The following TNFAIP1 variants were observed in gnomAD, a reference collection of about 807,000 sequenced individuals.
The protein encoded by TNFAIP1 is TNF alpha induced protein 1.
TNFAIP1 carries 20 observed loss-of-function variants against 32.6 expected under a neutral mutation model. The ratio of observed to expected loss-of-function variants is 0.61; its 90% CI spans 0.43 to 0.89. The LOEUF (loss-of-function observed/expected upper bound fraction) is 0.89. Among genes scored for constraint, TNFAIP1 ranks in the 40% least tolerant of loss-of-function variants. The pLI is 0.00. For missense variants in TNFAIP1, 319 were observed against 425.1 expected (o/e 0.75, Z 2.20); for synonymous variants, 166 against 166.8 (o/e 1.00, Z 0.04).
In TNFAIP1 at chr17:28,346,808, G is replaced by A. The variant is rs60150286; in HGVS notation, c.*2208G>A. 2.0e-5 allele frequency: 3 copies of A among 152,216 alleles called. No homozygotes were observed. The highest frequency in any genetic ancestry group is 4.8e-5 in the African/African-American group (2 of 41,452). The allele number at this position is 152,216 out of a possible 1,614,324, so 9.4% of individuals were successfully genotyped here. ...GTCAGATTTTCTTGTCAGTTTCTGA[G>A]AAACCTGGCAGCCTGCTGTTAACAA... On this transcript the variant is annotated 3_prime_UTR_variant, in exon 7 of 7. Transcript: ENST00000226225.
At chr17:28,336,955 A>G (rs1246039165) in intron 1 of TNFAIP1, among the ~76,000 whole-genome samples, 1 of 152,248 alleles carries the variant, frequency 6.6e-6, no homozygotes, top group Admixed American at 6.5e-5. Context: ...TTAGGGGAAC[A>G]CAGCGGTAAA....
rs1907331784 is a variant in TNFAIP1 at position 28,340,665 on chromosome 17, G to GT, written c.375+188dup. On this transcript the variant is annotated intron_variant, in intron 3 of 6. Coordinates refer to ENST00000226225, the MANE Select transcript of TNFAIP1 (RefSeq NM_021137.5). This position sits in a 1 kb window ranked among gnomAD's most constrained non-coding sequence, Gnocchi z 4.1. ...CAGCCAGGTGTTCACACTTGGCAGC[G>GT]TGAGTAGGCCCTGCTTCTGGTTTCT... Among the ~76,000 whole-genome samples, 1 of 152,170 alleles carries GT rather than the reference G, an allele frequency of 6.6e-6. No individual in the cohort carries two copies. Among genetic ancestry groups the GT allele is most frequent in the East Asian group, 1.9e-4 (1 of 5,190 alleles).
At chr17:28,339,771 G>T (rs782124484) in intron 2 of TNFAIP1, 45 bp downstream of exon 2, 2 of 1,588,954 alleles carry the variant, frequency 1.3e-6, no homozygotes, top group African/African-American at 1.3e-5. Flanking sequence ...GGCAGGAGGA[G>T]TTCCCAAGGA....
At chr17:28,339,773 T>C (rs1555577892) in intron 2 of TNFAIP1, 47 bp downstream of exon 2, 2 of 1,586,132 alleles carry the variant, frequency 1.3e-6, no homozygotes, top group African/African-American at 2.7e-5. Flanking sequence ...CAGGAGGAGT[T>C]CCCAAGGAAA....
rs782502673 is a variant in TNFAIP1, at chr17:28,341,258, C to T, written c.397C>T (p.Pro133Ser). ...ACAGGACAAGAAGGACTCCTACCAG[C>T]CTGTGTGCAACATCCCCATCATCAC... ...ALQDKKDSYQ[P>S]VCNIPIITSL... The change falls in exon 4 of 7, where the codon CCT becomes TCT. Residue 133 changes from proline (P) to serine (S), a missense_variant. Coordinates refer to ENST00000226225, the MANE Select transcript of TNFAIP1 (RefSeq NM_021137.5). 1.2e-6 allele frequency: 2 copies of T among 1,614,208 alleles called. No individual in the cohort carries two copies. Among genetic ancestry groups the T allele is most frequent in the Non-Finnish European group, 1.7e-6 (2 of 1,180,036 alleles).
At position 28,341,260 on chromosome 17, in the gene TNFAIP1, T is replaced by C. The variant is rs1555578112; in HGVS notation, c.399T>C (p.Pro133=). The change falls in exon 4 of 7, where the codon CCT becomes CCC. Residue 133 remains proline (P), a synonymous_variant. Transcript: ENST00000226225. Reference sequence around the variant, plus strand: ...AGGACAAGAAGGACTCCTACCAGCCTGTGTGCAACATCCCCATCATCACAT... The same window carrying C: ...AGGACAAGAAGGACTCCTACCAGCCCGTGTGCAACATCCCCATCATCACAT... The part of the protein sequence containing the change: ...ALQDKKDSYQ[P]VCNIPIITSL... 3 of 1,614,210 alleles carry C rather than the reference T, an allele frequency of 1.9e-6. No individual in the cohort carries two copies. The highest frequency in any genetic ancestry group is 3.3e-5 in the Admixed American group (2 of 60,032).
At chr17:28,339,317 G>A in intron 1 of TNFAIP1, 91 bp from the exon 2 acceptor site, 1 of 453,504 alleles carries the variant, frequency 2.2e-6, no homozygotes, top group Non-Finnish European at 3.8e-6. Flanking sequence ...GGCTTGTCAG[G>A]GAGAGAATGA....
chr17:28,336,281 T>TCCGCCCTTAGCCCCGGGC (rs1299132053), intron 1 of TNFAIP1, among the ~76,000 whole-genome samples: 1 of 152,124 alleles, frequency 6.6e-6, no homozygotes, highest in African/African-American at 2.4e-5. Context: ...GAGCCACGGA[T>TCCGCCCTTAGCCCCGGGC]CCGCCCTTAG....
chr17:28,338,974 T>C (rs1907261657), intron 1 of TNFAIP1, among the ~76,000 whole-genome samples: 1 of 150,666 alleles, frequency 6.6e-6, no homozygotes, highest in African/African-American at 2.5e-5. Flanking sequence ...TTCATACTTA[T>C]AATCCCAGCA....
rs546789094 is a variant in TNFAIP1 at position 28,345,304 on chromosome 17, A to G, written c.*704A>G. 17 of 136,750 alleles carry G rather than the reference A, an allele frequency of 1.2e-4. No homozygotes were observed. The highest frequency in any genetic ancestry group is 4.8e-4 in the African/African-American group (17 of 35,576). The allele number at this position is 136,750 out of a possible 1,614,324, so 8.5% of individuals were successfully genotyped here. On this transcript the variant is annotated 3_prime_UTR_variant, in exon 7 of 7. Coordinates refer to ENST00000226225, the MANE Select transcript of TNFAIP1 (RefSeq NM_021137.5). ...GGGGATAAAGAGGAAGCAATAAAAA[A>G]AAAACATCCGACAGAGCAGCTCTGG... is the stretch of plus-strand genomic sequence containing the variant.
chr17:28,345,027 T>C lies in TNFAIP1; in HGVS notation c.*427T>C, dbSNP rs1907503063. 1.6e-5 allele frequency: 3 copies of C among 189,492 alleles called. No individual in the cohort carries two copies. Among genetic ancestry groups the C allele is most frequent in the Middle Eastern group, 2.5e-3 (1 of 408 alleles). 11.7% of individuals were successfully genotyped at this position (189,492 alleles called of 1,614,324 possible). ...TTTCCTAAGGTGTTTAAGCACAGGC[T>C]TGATAAGTTTGGTTTTTAAAAAATA... On this transcript the variant is annotated 3_prime_UTR_variant, in exon 7 of 7. Coordinates refer to ENST00000226225, the MANE Select transcript of TNFAIP1 (RefSeq NM_021137.5).
Position 28,340,386 on chromosome 17 carries a change from C to T in TNFAIP1, c.283C>T (p.Pro95Ser), listed in dbSNP as rs1907321870. The change falls in exon 3 of 7, where the codon CCT becomes TCT. Residue 95 changes from proline (P) to serine (S), a missense_variant. Transcript: ENST00000226225. This position sits in a 1 kb window ranked among gnomAD's most constrained non-coding sequence, Gnocchi z 4.1. ...NYLRDDTITL[P>S]QNRQEIKELM... ...CCTCCGAGATGACACCATCACCCTC[C>T]CTCAGAACCGGCAAGAAATCAAGGA... 6 of 1,614,118 alleles carry T rather than the reference C, an allele frequency of 3.7e-6. No homozygotes were observed. Among genetic ancestry groups the T allele is most frequent in the Non-Finnish European group, 4.2e-6 (5 of 1,180,010 alleles).
Position 28,341,253 on chromosome 17 carries a change from A to G in TNFAIP1, c.392A>G (p.Tyr131Cys). 6.2e-7 allele frequency: 1 copy of G among 1,614,176 alleles called. No homozygotes were observed. Among genetic ancestry groups the G allele is most frequent in the South Asian group, 1.1e-5 (1 of 91,088 alleles). Residue 131 changes from tyrosine to cysteine, a missense_variant, in exon 4 of 7, where the codon TAC (tyrosine) becomes TGC (cysteine). Transcript: ENST00000226225. Reference sequence around the variant, plus strand: ...GTCGCACAGGACAAGAAGGACTCCTACCAGCCTGTGTGCAACATCCCCATC... The same window carrying G: ...GTCGCACAGGACAAGAAGGACTCCTGCCAGCCTGTGTGCAACATCCCCATC... ...QSALQDKKDS[Y>C]QPVCNIPIIT...
At chr17:28,338,470 T>A (rs1907248356) in intron 1 of TNFAIP1, among the ~76,000 whole-genome samples, 1 of 148,944 alleles carries the variant, frequency 6.7e-6, no homozygotes, top group Non-Finnish European at 1.5e-5. Flanking sequence ...AAGGGGAAGG[T>A]CAGGAAGCCC....
In TNFAIP1 at chr17:28,339,664, G is replaced by A. The variant is rs782628248; in HGVS notation, c.143G>A (p.Arg48His). The change falls in exon 2 of 7, where the codon CGC becomes CAC. Residue 48 changes from arginine (R) to histidine (H), a missense_variant. Arg to His is a conservative substitution (Grantham distance 29). Transcript: ENST00000226225. ...TACACCACTGTGCGGGCCCTGACCC[G>A]CCACGACACCATGCTCAAGGCCATG... is the stretch of plus-strand genomic sequence containing the variant. ...LYYTTVRALTRHDTMLKAMFS... is the reference protein window; with the variant it reads ...LYYTTVRALTHHDTMLKAMFS... The A allele has an allele frequency of 2.2e-5, 36 of 1,613,892 alleles. No individual in the cohort carries two copies. The highest frequency in any genetic ancestry group is 1.6e-4 in the Middle Eastern group (1 of 6,076).
At position 28,339,356 on chromosome 17, in the gene TNFAIP1, T is replaced by C. The variant is rs1302963336; in HGVS notation, c.-114-52T>C. The C allele has an allele frequency of 2.4e-5, 14 of 572,754 alleles. No homozygotes were observed. In the African/African-American group the frequency reaches 2.7e-4, roughly 11 times the overall value. The allele number at this position is 572,754 out of a possible 1,614,324, so 35.5% of individuals were successfully genotyped here. On this transcript the variant is annotated intron_variant, in intron 1 of 6. Transcript: ENST00000226225. ...CGGTCGTGTTTCTGCTATTGTCTCC[T>C]CCTGGGCTGTCTCAGCTGGTTCGTG...
In TNFAIP1 at chr17:28,342,278, G is replaced by A; in HGVS notation, c.550G>A (p.Glu184Lys). 3 of 1,585,858 alleles carry A rather than the reference G, an allele frequency of 1.9e-6. No homozygotes were observed. Among genetic ancestry groups the A allele is most frequent in the African/African-American group, 1.3e-5 (1 of 74,582 alleles). The change falls in exon 6 of 7, where the codon GAG becomes AAG. Residue 184 changes from glutamate (E) to lysine (K), a missense_variant. Physicochemically the swap from Glu to Lys is moderately conservative, Grantham distance 56 (BLOSUM62 1). Coordinates refer to ENST00000226225, the MANE Select transcript of TNFAIP1 (RefSeq NM_021137.5). The surrounding 1 kb of genome is among the most constrained non-coding windows in gnomAD (Gnocchi z 4.0). ...NSDDHLLKNI[E>K]LFDKLSLRFN... ...TGACGACCACCTGCTGAAAAACATCGAGCTGTTTGACAAGCTCTCCCTGCG... is the reference window on the plus strand; with the variant it reads ...TGACGACCACCTGCTGAAAAACATCAAGCTGTTTGACAAGCTCTCCCTGCG...
chr17:28,342,646 G>A lies in TNFAIP1; in HGVS notation c.714+204G>A. Reference sequence around the variant, plus strand: ...ACTGCTTTGTTCCTGACAGCGCAGGGCAGGGGCCGTTGACCACCAGGAAGT... The same window carrying A: ...ACTGCTTTGTTCCTGACAGCGCAGGACAGGGGCCGTTGACCACCAGGAAGT... On this transcript the variant is annotated intron_variant, in intron 6 of 6. Coordinates refer to ENST00000226225, the MANE Select transcript of TNFAIP1 (RefSeq NM_021137.5). This position sits in a 1 kb window ranked among gnomAD's most constrained non-coding sequence, Gnocchi z 4.0. 2.0e-6 allele frequency: 1 copy of A among 491,300 alleles called. No homozygotes were observed. The highest frequency in any genetic ancestry group is 3.5e-6 in the Non-Finnish European group (1 of 284,382). The allele number at this position is 491,300 out of a possible 1,614,324, so 30.4% of individuals were successfully genotyped here. A position where few individuals can be genotyped will look rare whatever the true frequency, so the allele number is the denominator to read the frequency against.
intron 2 of TNFAIP1, 67 bp downstream of exon 2, chr17:28,339,793 C>T (rs1199359420): frequency 3.9e-6 from 6 of 1,527,614 alleles, no homozygotes; most frequent in Middle Eastern, 2.0e-4. Flanking sequence ...ATGACCAGAT[C>T]TAGAATTCAG....
Sources: allele counts gnomAD v4.1 joint callset (sites outside exome capture counted in the v4.1 genomes callset), GRCh38; gene constraint gnomAD v4.1.1; non-coding constraint Gnocchi (gnomAD v3.1); transcripts MANE v1.5; gene names NCBI Gene and HGNC (gene_info 2026-07-23, HGNC 2026-07-21).